BLM: variants seen among roughly 807,000 people sequenced by gnomAD.
The protein encoded by BLM is recQ-like DNA helicase BLM.
Under a neutral mutation model 135.3 loss-of-function variants are expected in BLM, and 95 were observed. The ratio of observed to expected loss-of-function variants is 0.70; its 90% CI spans 0.59 to 0.83. BLM has a LOEUF of 0.83. Ranked by LOEUF, BLM falls within the 40% of genes least tolerant of loss-of-function variation. The pLI is 0.00. For synonymous variants in BLM, 520 were observed against 589.2 expected (o/e 0.88, Z 1.70); for missense variants, 1,518 against 1,663.9 (o/e 0.91, Z 1.53).
In BLM at chr15:90,769,546, A is replaced by G. The variant is rs201427280; in HGVS notation, c.2515A>G (p.Lys839Glu). ...LTATANPRVQ[K>E]DILTQLKILR... ...GGCCACAGCTAATCCCAGGGTACAG[A>G]AGGACATCCTGACTCAGCTGAAGAT... Residue 839 changes from lysine (K) to glutamate (E), a missense_variant, in exon 12 of 22, where the codon AAG (lysine) becomes GAG (glutamate). By Grantham distance (56) the Lys-to-Glu change is moderately conservative. Around this residue, in one of 5 missense-constraint regions of BLM, gnomAD observed 626 missense variants for 681.1 expected, o/e 0.92. Transcript: ENST00000355112. 40 of 1,614,046 alleles carry G rather than the reference A, an allele frequency of 2.5e-5. No individual in the cohort carries two copies. The East Asian group carries it at 8.5e-4, about 34-fold the overall frequency.
intron 16 of BLM, among the ~76,000 whole-genome samples, chr15:90,795,657 G>A (rs569933255): frequency 1.3e-5 from 2 of 152,260 alleles, no homozygotes; most frequent in South Asian, 4.1e-4. Context: ...TTGTTGGGCT[G>A]TGTAACAGGC....
chr15:90,794,163 T>G lies in BLM; in HGVS notation c.3020-4T>G. 6.3e-7 allele frequency: 1 copy of G among 1,591,366 alleles called. No homozygotes were observed. The highest frequency in any genetic ancestry group is 8.6e-7 in the Non-Finnish European group (1 of 1,162,500). ...TGTCTTACTATAGTCTTCATCTCTT[T>G]TAGTGGAAAAAGATGGAAACCATCA... On this transcript the variant is annotated splice_polypyrimidine_tract_variant and splice_region_variant and intron_variant, in intron 15 of 21. Coordinates refer to ENST00000355112, the MANE Select transcript of BLM (RefSeq NM_000057.4).
At chr15:90,770,940 T>G (rs1326858116) in intron 12 of BLM, among the ~76,000 whole-genome samples, 1 of 152,214 alleles carries the variant, frequency 6.6e-6, no homozygotes. Context: ...TTCAAGCATT[T>G]TGGGTTTCTT....
chr15:90,814,027 T>C (rs890072939), intron 21 of BLM, among the ~76,000 whole-genome samples: 2 of 152,214 alleles, frequency 1.3e-5, no homozygotes, highest in Non-Finnish European at 2.9e-5. Context: ...AGGTTTTCTC[T>C]CTGGGCTTAA....
At chr15:90,787,351 C>G (rs1257539499) in intron 14 of BLM, among the ~76,000 whole-genome samples, 1 of 151,988 alleles carries the variant, frequency 6.6e-6, no homozygotes, top group Non-Finnish European at 1.5e-5. Context: ...CCGCACCCAG[C>G]CTACTTTAGG....
Position 90,761,224 on chromosome 15 carries a change from A to G in BLM, c.1851A>G (p.Ile617Met). Residue 617 changes from isoleucine (I) to methionine (M), a missense_variant, in exon 7 of 22, where the codon ATA becomes ATG. By Grantham distance (10) the Ile-to-Met change is conservative (BLOSUM62 1). Coordinates refer to ENST00000355112, the MANE Select transcript of BLM (RefSeq NM_000057.4). ...CAGTGTCATCTACTGCTCAAAATATAAACTTCTCAGAGTCAATTCAGAATT... is the reference window on the plus strand; with the variant it reads ...CAGTGTCATCTACTGCTCAAAATATGAACTTCTCAGAGTCAATTCAGAATT... ...CLPVSSTAQN[I>M]NFSESIQNYT... 6.5e-7 allele frequency: 1 copy of G among 1,535,850 alleles called. No individual in the cohort carries two copies. Among genetic ancestry groups the G allele is most frequent in the Non-Finnish European group, 8.7e-7 (1 of 1,145,706 alleles).
rs545969334 is a variant in BLM at position 90,763,611 on chromosome 15, G to A, written c.2074+454G>A. On this transcript the variant is annotated intron_variant, in intron 8 of 21. Coordinates refer to ENST00000355112, the MANE Select transcript of BLM (RefSeq NM_000057.4). ...AAGAACAGCTCTGCTGCTCACAGCA[G>A]TGTGGCCACATGCAAGGCACTTTAC... 2.6e-4 allele frequency among the ~76,000 whole-genome samples: 39 copies of A among 152,314 alleles called. 2 individuals are homozygous for A. The South Asian group carries it at 7.5e-3, about 29-fold the overall frequency.
chr15:90,718,409 G>A (rs76758344), intron 1 of BLM, among the ~76,000 whole-genome samples: 3,280 of 152,276 alleles, frequency 0.022, 131 homozygotes, highest in African/African-American at 0.072. Flanking sequence ...ACCTCATGGC[G>A]TGAGATGGAG....
intron 1 of BLM, among the ~76,000 whole-genome samples, chr15:90,718,150 G>A (rs112045539): frequency 0.016 from 2,370 of 152,254 alleles, 66 homozygotes; most frequent in African/African-American, 0.054. Flanking sequence ...TGCTTCGAAG[G>A]CTACCTGTTA....
chr15:90,785,692 C>T (rs1460894885), intron 14 of BLM, among the ~76,000 whole-genome samples: 2 of 151,806 alleles, frequency 1.3e-5, no homozygotes, highest in African/African-American at 2.4e-5. Context: ...TACAGATGTG[C>T]GCCACCATGG....
chr15:90,747,281 A>C, intron 1 of BLM, 108 bp from the exon 2 acceptor site: 13 of 598,710 alleles, frequency 2.2e-5, no homozygotes, highest in African/African-American at 3.9e-5. Context: ...TACTCTGGGC[A>C]CAGTTGGAAC....
chr15:90,720,130 A>C (rs1295130002), intron 1 of BLM, among the ~76,000 whole-genome samples: 1 of 152,160 alleles, frequency 6.6e-6, no homozygotes, highest in Non-Finnish European at 1.5e-5. Flanking sequence ...TGTCAGACTT[A>C]TCTCGTTGCA....
intron 3 of BLM, among the ~76,000 whole-genome samples, 167 bp downstream of exon 3, chr15:90,750,234 A>G (rs977605514): frequency 1.1e-4 from 17 of 152,188 alleles, no homozygotes; most frequent in Non-Finnish European, 2.5e-4. Flanking sequence ...GGCAGGACGT[A>G]CTGATGAAAT....
At position 90,815,265 on chromosome 15, in the gene BLM, T is replaced by C. The variant is rs753800694; in HGVS notation, c.4240T>C (p.Tyr1414His). 62 of 1,614,040 alleles carry C rather than the reference T, an allele frequency of 3.8e-5. No individual in the cohort carries two copies. The highest frequency in any genetic ancestry group is 8.3e-5 in the Admixed American group (5 of 60,006). ...AAATAGACCGTTTCTTAAGCCTTCA[T>C]ATGCATTCTCATAACAACCGAATCT... is the stretch of plus-strand genomic sequence containing the variant. Reference protein sequence around the residue: ...PINRPFLKPSYAFS With the variant: ...PINRPFLKPSHAFS The change falls in exon 22 of 22, where the codon TAT becomes CAT. Residue 1414 changes from tyrosine (Y) to histidine (H), a missense_variant. By Grantham distance (83) the Tyr-to-His change is moderately conservative. Around this residue, in one of 5 missense-constraint regions of BLM, gnomAD observed 153 missense variants for 173.4 expected, o/e 0.88. Coordinates refer to ENST00000355112, the MANE Select transcript of BLM (RefSeq NM_000057.4). The surrounding 1 kb of genome is among the most constrained non-coding windows in gnomAD (Gnocchi z 4.6).
At chr15:90,789,987 G>GTTTTTTTTTTTTTTTTTTTTTTTTTTT (rs61059865) in intron 14 of BLM, among the ~76,000 whole-genome samples, 1 of 57,358 alleles carries the variant, frequency 1.7e-5, no homozygotes, top group African/African-American at 5.3e-5. Context: ...AGTCCCTGGT[G>GTTTTTTTTTTTTTTTTTTTTTTTTTTT]TTTTTTTTTT....
intron 7 of BLM, 90 bp downstream of exon 7, chr15:90,761,345 GC>G: frequency 9.8e-7 from 1 of 1,020,768 alleles, no homozygotes. Flanking sequence ...AATCATCATT[GC>G]CTGAAAACAT....
At chr15:90,755,151 C>A in intron 5 of BLM, 1 of 586,528 alleles carries the variant, frequency 1.7e-6, no homozygotes, top group African/African-American at 1.9e-5. Context: ...CGTTCATTCC[C>A]CATTTTGAAA....
intron 1 of BLM, among the ~76,000 whole-genome samples, chr15:90,734,675 G>GCACA (rs34292947): frequency 0.015 from 2,029 of 134,128 alleles, 56 homozygotes; most frequent in African/African-American, 0.052. Context: ...GCGCACGCAC[G>GCACA]CACACACACA....
At chr15:90,800,711 A>C (rs1012489240) in intron 17 of BLM, among the ~76,000 whole-genome samples, 2 of 147,646 alleles carry the variant, frequency 1.4e-5, no homozygotes, top group Admixed American at 6.7e-5. Flanking sequence ...GGCCCACCCA[A>C]CGTAGAGAGA....
Sources: gnomAD v4.1 joint callset for allele counts (sites outside exome capture counted in the v4.1 genomes callset) on GRCh38, gnomAD v4.1.1 for gene constraint, gnomAD v4.1.1 regional missense constraint, Gnocchi (gnomAD v3.1) non-coding constraint, MANE v1.5 for transcripts, NCBI Gene and HGNC (gene_info 2026-07-23, HGNC 2026-07-21) for gene names.